Variants in SGMS2 observed in about 807,000 individuals in gnomAD.
SGMS2 encodes sphingomyelin synthase 2, also known as phosphatidylcholine:ceramide cholinephosphotransferase 2.
Under a neutral mutation model 43.8 loss-of-function variants are expected in SGMS2, and 21 were observed. The observed-to-expected ratio is 0.48, with a 90% confidence interval of 0.34 to 0.69. SGMS2 has a LOEUF of 0.69. Among genes scored for constraint, SGMS2 ranks in the 30% least tolerant of loss-of-function variants. The pLI, the probability that SGMS2 is intolerant of heterozygous loss-of-function variation, is 0.01. For missense variants in SGMS2, 384 were observed against 443.2 expected (o/e 0.87, Z 1.20); for synonymous variants, 167 against 160.6 (o/e 1.04, Z -0.30).
At chr4:107,851,573 G>T (rs1439795924) in intron 1 of SGMS2, among the ~76,000 whole-genome samples, 3 of 152,158 alleles carry the variant, frequency 2.0e-5, no homozygotes, top group Admixed American at 6.5e-5. Context: ...CTACTCAGGT[G>T]TATATTCTAC....
At chr4:107,890,074 A>G (rs984045008) in intron 2 of SGMS2, among the ~76,000 whole-genome samples, 2 of 152,156 alleles carry the variant, frequency 1.3e-5, no homozygotes, top group Non-Finnish European at 2.9e-5. Flanking sequence ...TCTAAACTAC[A>G]CTTTTCTTTA....
chr4:107,846,410 A>G (rs932452266), intron 1 of SGMS2, among the ~76,000 whole-genome samples: 10 of 150,666 alleles, frequency 6.6e-5, no homozygotes, highest in Admixed American at 2.7e-4. Context: ...ATGATTTCCA[A>G]TTTTATCCAT....
chr4:107,908,623 G>A lies in SGMS2; in HGVS notation c.786G>A (p.Gly262=). The A allele has an allele frequency of 1.2e-6, 2 of 1,614,034 alleles. No homozygotes were observed. The highest frequency in any genetic ancestry group is 1.7e-4 in the Middle Eastern group (1 of 6,054). The part of the protein sequence containing the change: ...HLICWLLSAA[G]IICILVAHEH... ...TCTGCTGGCTGCTGAGTGCTGCCGG[G>A]ATCATCTGCATTCTTGTAGCACACG... The change falls in exon 6 of 7, where the codon GGG becomes GGA. Residue 262 remains glycine, a synonymous_variant. Transcript: ENST00000690982.
At chr4:107,898,409 A>G (rs1166210246) in intron 3 of SGMS2, among the ~76,000 whole-genome samples, 2 of 152,140 alleles carry the variant, frequency 1.3e-5, no homozygotes, top group Non-Finnish European at 2.9e-5. Context: ...CAGAACCACA[A>G]TCTTAGGGAA....
In SGMS2 at chr4:107,910,440, A is replaced by G. The variant is rs1732028073; in HGVS notation, c.985A>G (p.Ile329Val). The change falls in exon 7 of 7, where the codon ATT (isoleucine) becomes GTT (valine). Residue 329 changes from isoleucine (I) to valine (V), a missense_variant. Physicochemically the swap from Ile to Val is conservative, Grantham distance 29. Coordinates refer to ENST00000690982, the MANE Select transcript of SGMS2 (RefSeq NM_001375905.1). ...TTTTGAGAAAAATGTACAAGGCTCA[A>G]TTCCTTGCTGCTTCTCCTGGCCGCT... ...YFFEKNVQGS[I>V]PCCFSWPLSW... The G allele has an allele frequency of 6.2e-7, 1 of 1,614,096 alleles. No homozygotes were observed.
intron 1 of SGMS2, among the ~76,000 whole-genome samples, chr4:107,856,472 A>G (rs540495300): frequency 2.0e-4 from 31 of 152,314 alleles, no homozygotes; most frequent in African/African-American, 7.0e-4. Flanking sequence ...AGCTGACCAT[A>G]TTAGAAATAT....
chr4:107,893,678 C>T (rs1034289580), intron 2 of SGMS2: 1 of 152,214 alleles, frequency 6.6e-6, no homozygotes, highest in African/African-American at 2.4e-5. Flanking sequence ...TTATAATTCT[C>T]AGTAGTACCT....
chr4:107,847,621 T>C (rs1578521778), intron 1 of SGMS2, among the ~76,000 whole-genome samples: 1 of 152,180 alleles, frequency 6.6e-6, no homozygotes, highest in East Asian at 1.9e-4. Flanking sequence ...CCATATGAAC[T>C]TTAAAGGAAA....
At chr4:107,854,423 A>G (rs1727310273) in intron 1 of SGMS2, among the ~76,000 whole-genome samples, 1 of 152,228 alleles carries the variant, frequency 6.6e-6, no homozygotes, top group Non-Finnish European at 1.5e-5. Context: ...GACTATGACT[A>G]ATAGGAATAT....
chr4:107,878,802 A>C (rs1009400750), intron 2 of SGMS2, among the ~76,000 whole-genome samples: 1 of 152,210 alleles, frequency 6.6e-6, no homozygotes, highest in Non-Finnish European at 1.5e-5. Context: ...TAAATTTTCC[A>C]GTCACCAACA....
chr4:107,910,193 T>G, intron 6 of SGMS2, 157 bp from the exon 7 acceptor site: 4 of 658,670 alleles, frequency 6.1e-6, no homozygotes, highest in Non-Finnish European at 1.0e-5. Context: ...GGGAGCGGAG[T>G]CATGGTAGAG....
chr4:107,871,510 G>A (rs1210883738), intron 2 of SGMS2, among the ~76,000 whole-genome samples: 1 of 152,006 alleles, frequency 6.6e-6, no homozygotes, highest in Admixed American at 6.6e-5. Flanking sequence ...CCTTGAGGAC[G>A]GGAGCCAGCT....
intron 2 of SGMS2, among the ~76,000 whole-genome samples, chr4:107,885,494 C>T (rs1196733916): frequency 6.6e-6 from 1 of 152,074 alleles, no homozygotes; most frequent in Admixed American, 6.6e-5. Context: ...AATATATGTT[C>T]TAATACCTAG....
chr4:107,827,380 C>T (rs757595230), intron 1 of SGMS2, among the ~76,000 whole-genome samples: 6 of 152,026 alleles, frequency 3.9e-5, no homozygotes, highest in African/African-American at 1.4e-4. Flanking sequence ...CAGTAGAGAC[C>T]TCAGGCTGTG....
Position 107,894,444 on chromosome 4 carries a change from G to A in SGMS2, c.-244-866G>A, listed in dbSNP as rs17038197. On this transcript the variant is annotated intron_variant, in intron 2 of 6. Transcript: ENST00000690982. Reference sequence around the variant, plus strand: ...GCTCTCTGGAGCCTGTGGAGCTGAAGCCAAAGGTAGTTATCCTCATCAGTG... The same window carrying A: ...GCTCTCTGGAGCCTGTGGAGCTGAAACCAAAGGTAGTTATCCTCATCAGTG... 1,653 of 152,404 alleles carry A rather than the reference G, an allele frequency of 0.011. 106 individuals carry two copies. In the East Asian group the frequency reaches 0.19, roughly 18 times the overall value. 9.4% of individuals were successfully genotyped at this position (152,404 alleles called of 1,614,324 possible).
At chr4:107,894,151 T>C (rs1335448559) in intron 2 of SGMS2, 1 of 151,778 alleles carries the variant, frequency 6.6e-6, no homozygotes, top group African/African-American at 2.4e-5. Context: ...GTCATCACTT[T>C]GAGTTTGTCC....
intron 2 of SGMS2, among the ~76,000 whole-genome samples, chr4:107,873,621 C>T (rs1728702404): frequency 6.6e-6 from 1 of 151,874 alleles, no homozygotes; most frequent in Non-Finnish European, 1.5e-5. Context: ...TGTTTATTTG[C>T]ATACAATAAT....
At position 107,895,437 on chromosome 4, in the gene SGMS2, CAA is replaced by C. The variant is rs754215424; in HGVS notation, c.-115_-114del. 5.6e-6 allele frequency: 6 copies of C among 1,065,370 alleles called. No homozygotes were observed. The highest frequency in any genetic ancestry group is 8.2e-6 in the Non-Finnish European group (6 of 729,010). The allele number at this position is 1,065,370 out of a possible 1,614,324, so 66.0% of individuals were successfully genotyped here. On this transcript the variant is annotated 5_prime_UTR_variant, in exon 3 of 7. It removes the in-frame stop codon of an upstream open reading frame in the 5' UTR. Coordinates refer to ENST00000690982, the MANE Select transcript of SGMS2 (RefSeq NM_001375905.1). ...ACCTTCTACATTTTGTATTAGGAAACAAAGTCCATTGTAAGAGTCCATGTTGA... is the reference window on the plus strand; with the variant it reads ...ACCTTCTACATTTTGTATTAGGAAACAGTCCATTGTAAGAGTCCATGTTGA...
intron 1 of SGMS2, among the ~76,000 whole-genome samples, chr4:107,848,378 ATTTGT>A (rs1726949885): frequency 2.6e-5 from 4 of 152,214 alleles, no homozygotes; most frequent in Non-Finnish European, 4.4e-5. Flanking sequence ...TTGCTTAAAC[ATTTGT>A]GTGCAGCTTT....
Sources: allele counts gnomAD v4.1 joint callset (sites outside exome capture counted in the v4.1 genomes callset), GRCh38; gene constraint gnomAD v4.1.1; transcripts MANE v1.5; gene names NCBI Gene and HGNC (gene_info 2026-07-23, HGNC 2026-07-21).